The following RTL4 variants were observed in gnomAD, a reference collection of about 807,000 sequenced individuals.
The protein encoded by RTL4 is retrotransposon Gag like 4, also known as retrotransposon Gag-like protein 4.
Under a neutral mutation model 5.3 loss-of-function variants are expected in RTL4, and 4 were observed. That is an observed-to-expected ratio of 0.75 (90% CI 0.37 to 1.72). The LOEUF (loss-of-function observed/expected upper bound fraction) is 1.72. RTL4 is among the 40% of genes most tolerant of loss of function. RTL4 has a pLI of 0.04. For synonymous variants in RTL4, 98 were observed against 87.3 expected, an observed-to-expected ratio of 1.12 and a Z score of -0.68; for missense variants, 260 against 227.1, an observed-to-expected ratio of 1.14 and a Z score of -0.93.
chrX:112,141,926 T>G, the RTL4 span, among the ~76,000 whole-genome samples: 8 of 112,032 alleles, frequency 7.1e-5, no homozygotes, highest in African/African-American at 2.6e-4. Flanking sequence ...TCACTGGTGA[T>G]TTTTTGAAAG....
the RTL4 span, among the ~76,000 whole-genome samples, chrX:112,234,191 C>G: frequency 1.1e-3 from 115 of 109,484 alleles, no homozygotes; most frequent in African/African-American, 3.7e-3. Context: ...GACTCTGTCT[C>G]AAAAAAATTA....
At chrX:112,215,415 T>C in the RTL4 span, among the ~76,000 whole-genome samples, 70 of 112,234 alleles carry the variant, frequency 6.2e-4, no homozygotes, top group Admixed American at 1.9e-3. Flanking sequence ...TCAGTTCCTT[T>C]GCCCATTTTT....
chrX:112,413,636 A>G, the RTL4 span, among the ~76,000 whole-genome samples: 2 of 111,051 alleles, frequency 1.8e-5, no homozygotes, highest in Non-Finnish European at 3.8e-5. Context: ...TATTTTGGGG[A>G]GCTAAAAATT....
the RTL4 span, among the ~76,000 whole-genome samples, chrX:112,431,194 A>C: frequency 1.8e-5 from 2 of 110,597 alleles, no homozygotes; most frequent in Admixed American, 9.7e-5. Flanking sequence ...CTGGATTTGC[A>C]TATTTCCTTT....
chrX:112,338,040 A>G, the RTL4 span, among the ~76,000 whole-genome samples: 2 of 112,070 alleles, frequency 1.8e-5, no homozygotes, highest in African/African-American at 6.5e-5. Context: ...TGCAAGTCCA[A>G]TATCAACCTT....
chrX:112,236,431 A>C, the RTL4 span, among the ~76,000 whole-genome samples: 113 of 77,179 alleles, frequency 1.5e-3, 1 homozygote, highest in African/African-American at 6.7e-3. Context: ...ATATATAGAT[A>C]TAGATCTATA....
chrX:112,240,833 G>A, the RTL4 span, among the ~76,000 whole-genome samples: 4 of 109,262 alleles, frequency 3.7e-5, no homozygotes, highest in Admixed American at 3.9e-4. Flanking sequence ...CCCACCGCAC[G>A]ACAGACCCCG....
the RTL4 span, among the ~76,000 whole-genome samples, chrX:112,322,576 T>A: frequency 9.0e-6 from 1 of 111,290 alleles, no homozygotes; most frequent in Non-Finnish European, 1.9e-5. Flanking sequence ...TATACATGAA[T>A]ATCTAATTTT....
At chrX:112,276,920 A>G in the RTL4 span, among the ~76,000 whole-genome samples, 2 of 112,139 alleles carry the variant, frequency 1.8e-5, no homozygotes, top group East Asian at 5.6e-4. Context: ...ATATTTTGTG[A>G]TATGGAAATG....
chrX:112,157,063 T>TG, the RTL4 span, among the ~76,000 whole-genome samples: 1 of 93,467 alleles, frequency 1.1e-5, no homozygotes, highest in Non-Finnish European at 2.1e-5. Context: ...TGTTATACTG[T>TG]TTGTGTGTGT....
At chrX:112,177,541 T>G in the RTL4 span, among the ~76,000 whole-genome samples, 1 of 107,466 alleles carries the variant, frequency 9.3e-6, no homozygotes, top group Non-Finnish European at 1.9e-5. Context: ...TTTTTTTTTT[T>G]GCTATTGAGT....
the RTL4 span, among the ~76,000 whole-genome samples, chrX:112,338,194 C>A: frequency 4.3e-3 from 477 of 111,642 alleles, 4 homozygotes; most frequent in African/African-American, 0.014. Context: ...TCACTAGGAC[C>A]TAAGAAAGCC....
the RTL4 span, among the ~76,000 whole-genome samples, chrX:112,448,289 G>A: frequency 8.9e-6 from 1 of 111,916 alleles, no homozygotes; most frequent in Non-Finnish European, 1.9e-5. Flanking sequence ...TCTTTGAAAC[G>A]ATGGTCACAT....
At chrX:112,152,899 C>T in the RTL4 span, among the ~76,000 whole-genome samples, 1 of 110,945 alleles carries the variant, frequency 9.0e-6, no homozygotes, top group African/African-American at 3.3e-5. Context: ...TTATTCATGT[C>T]CCTCATATCT....
the RTL4 span, among the ~76,000 whole-genome samples, chrX:112,149,144 C>G: frequency 8.9e-6 from 1 of 111,930 alleles, no homozygotes. Context: ...GAATCATTTG[C>G]TTGTTTTCTT....
At chrX:112,268,388 C>T in the RTL4 span, among the ~76,000 whole-genome samples, 3 of 111,971 alleles carry the variant, frequency 2.7e-5, no homozygotes, top group Admixed American at 2.9e-4. Flanking sequence ...TCACAATACC[C>T]AAGCCCTTAA....
the RTL4 span, among the ~76,000 whole-genome samples, chrX:112,134,842 T>C: frequency 2.3e-3 from 263 of 111,971 alleles, 1 homozygote; most frequent in Middle Eastern, 0.014. Context: ...CTTAACTCAA[T>C]GTAATTATTT....
At chrX:112,316,234 G>T in the RTL4 span, among the ~76,000 whole-genome samples, 1 of 112,114 alleles carries the variant, frequency 8.9e-6, no homozygotes, top group Non-Finnish European at 1.9e-5. Flanking sequence ...CTATAGTAAA[G>T]TTGATGCACC....
the RTL4 span, among the ~76,000 whole-genome samples, chrX:112,369,092 T>C: frequency 2.7e-5 from 3 of 112,658 alleles, 1 homozygote; most frequent in South Asian, 7.3e-4. Flanking sequence ...ATACACTTTG[T>C]GACAGCAAGA....
Sources: gnomAD v4.1 joint callset for allele counts (sites outside exome capture counted in the v4.1 genomes callset) on GRCh38, gnomAD v4.1.1 for gene constraint, MANE v1.5 for transcripts, NCBI Gene and HGNC (gene_info 2026-07-23, HGNC 2026-07-21) for gene names.